LEMD1: variants seen among roughly 807,000 people sequenced by gnomAD.
LEMD1 encodes the protein LEM domain containing 1, also known as LEM domain-containing protein 1.
In LEMD1, 18 loss-of-function variants were observed where a neutral mutation model predicts 17.4. The observed-to-expected ratio is 1.04, with a 90% CI of 0.72 to 1.54. LEMD1 has a LOEUF of 1.54. Among genes scored for constraint, LEMD1 ranks in the 40% most tolerant of loss-of-function variants. The pLI is 0.00. For synonymous variants in LEMD1, 88 were observed against 77.8 expected, an observed-to-expected ratio of 1.13 and a Z score of -0.69; for missense variants, 195 against 210.4, an observed-to-expected ratio of 0.93 and a Z score of 0.45.
At chr1:205,413,587 CTTTTTTTTT>C (rs781477988) in intron 4 of LEMD1, among the ~76,000 whole-genome samples, 9 of 72,478 alleles carry the variant, frequency 1.2e-4, no homozygotes, top group African/African-American at 5.3e-4. Flanking sequence ...CCATGCCCAA[CTTTTTTTTT>C]TTTTTTTTTT....
intron 4 of LEMD1, among the ~76,000 whole-genome samples, chr1:205,398,145 C>T (rs907945142): frequency 6.6e-6 from 1 of 152,160 alleles, no homozygotes; most frequent in African/African-American, 2.4e-5. Flanking sequence ...CCTTAGCACA[C>T]GTCAAAGGTA....
At chr1:205,428,948 G>A (rs1036250135) in intron 1 of LEMD1, among the ~76,000 whole-genome samples, 3 of 152,192 alleles carry the variant, frequency 2.0e-5, no homozygotes, top group African/African-American at 4.8e-5. Context: ...CTCTGAGACA[G>A]GGAAGAGAGG....
At chr1:205,384,425 T>A (rs2102333350) in intron 4 of LEMD1, 61 bp from the exon 5 acceptor site, 1 of 1,095,490 alleles carries the variant, frequency 9.1e-7, no homozygotes, top group Non-Finnish European at 1.2e-6. Flanking sequence ...ACAAATAACC[T>A]TGGTTTTTAT....
At chr1:205,439,798 G>A (rs770555014) in intron 1 of LEMD1, among the ~76,000 whole-genome samples, 9 of 152,104 alleles carry the variant, frequency 5.9e-5, no homozygotes, top group South Asian at 2.1e-4. Context: ...TTCTAGCCCC[G>A]GAGAACTCCA....
At chr1:205,401,770 C>T (rs1051491120) in intron 4 of LEMD1, among the ~76,000 whole-genome samples, 1 of 152,068 alleles carries the variant, frequency 6.6e-6, no homozygotes, top group African/African-American at 2.4e-5. Context: ...GACATGAAGT[C>T]CTTGCCCATG....
intron 4 of LEMD1, among the ~76,000 whole-genome samples, chr1:205,413,485 C>T (rs1665546554): frequency 6.6e-6 from 1 of 150,764 alleles, no homozygotes; most frequent in Admixed American, 6.6e-5. Flanking sequence ...GATGAGGTGT[C>T]ACCATCTTTC....
chr1:205,426,349 G>T (rs1452899517), upstream of LEMD1, among the ~76,000 whole-genome samples: 1 of 152,202 alleles, frequency 6.6e-6, no homozygotes, highest in African/African-American at 2.4e-5. Flanking sequence ...TCTTCAAACG[G>T]ATTACATTCT....
intron 1 of LEMD1, among the ~76,000 whole-genome samples, chr1:205,438,289 C>T (rs1666238827): frequency 6.6e-6 from 1 of 152,218 alleles, no homozygotes; most frequent in Non-Finnish European, 1.5e-5. Context: ...AATCATCTAC[C>T]CATGTGCCCC....
chr1:205,389,611 C>A (rs375125570), intron 4 of LEMD1, among the ~76,000 whole-genome samples: 1 of 152,096 alleles, frequency 6.6e-6, no homozygotes, highest in Non-Finnish European at 1.5e-5. Context: ...CAGGGATGTC[C>A]CTGAAGCTTA....
chr1:205,421,649 A>G (rs1438900459), intron 1 of LEMD1, among the ~76,000 whole-genome samples: 1 of 152,224 alleles, frequency 6.6e-6, no homozygotes, highest in African/African-American at 2.4e-5. Context: ...TACACATAGT[A>G]GGTACCTAGT....
chr1:205,442,296 G>A (rs1022326510), intron 1 of LEMD1, among the ~76,000 whole-genome samples: 1 of 152,138 alleles, frequency 6.6e-6, no homozygotes, highest in African/African-American at 2.4e-5. Context: ...AGCATGAGGC[G>A]CCTCCCTTCT....
At chr1:205,418,475 G>A (rs1665800492) in intron 3 of LEMD1, among the ~76,000 whole-genome samples, 1 of 152,174 alleles carries the variant, frequency 6.6e-6, no homozygotes, top group South Asian at 2.1e-4. Context: ...ATATAAATCA[G>A]GAGGGCAGTC....
At chr1:205,439,671 G>C (rs539004423) in intron 1 of LEMD1, among the ~76,000 whole-genome samples, 1 of 152,146 alleles carries the variant, frequency 6.6e-6, no homozygotes, top group East Asian at 1.9e-4. Flanking sequence ...TTCTGTCCCT[G>C]GGGAGCTAGA....
At chr1:205,404,220 G>T (rs1271795215) in intron 4 of LEMD1, among the ~76,000 whole-genome samples, 1 of 152,142 alleles carries the variant, frequency 6.6e-6, no homozygotes. Context: ...TATTAGGTCT[G>T]CTTGGTGCAG....
intron 3 of LEMD1, among the ~76,000 whole-genome samples, chr1:205,418,991 ACGTTGAGCAGTCATT>A (rs1364484292): frequency 1.3e-5 from 2 of 152,246 alleles, no homozygotes; most frequent in Non-Finnish European, 2.9e-5. Context: ...AAGGACATGC[ACGTTGAGCAGTCATT>A]CCCCCAACTT....
chr1:205,417,717 C>T (rs1014957247), intron 3 of LEMD1, among the ~76,000 whole-genome samples: 9 of 151,888 alleles, frequency 5.9e-5, no homozygotes, highest in Non-Finnish European at 7.4e-5. Flanking sequence ...GTATCTGTGC[C>T]GCCTCCAATG....
At chr1:205,402,983 G>C (rs1664920883) in intron 4 of LEMD1, among the ~76,000 whole-genome samples, 1 of 151,668 alleles carries the variant, frequency 6.6e-6, no homozygotes, top group Non-Finnish European at 1.5e-5. Flanking sequence ...CTTTGGTTCT[G>C]TTTATATGCT....
intron 1 of LEMD1, among the ~76,000 whole-genome samples, chr1:205,449,400 G>A (rs1286372691): frequency 1.3e-5 from 2 of 152,002 alleles, no homozygotes; most frequent in African/African-American, 4.8e-5. Flanking sequence ...GGGCCCCCAA[G>A]AAGATGGTAA....
intron 1 of LEMD1, among the ~76,000 whole-genome samples, chr1:205,421,692 G>A (rs766013633): frequency 6.6e-6 from 1 of 152,130 alleles, no homozygotes; most frequent in Non-Finnish European, 1.5e-5. Context: ...TATGTGTTTG[G>A]GAAACTGACT....
Sources: gnomAD v4.1 joint callset for allele counts (sites outside exome capture counted in the v4.1 genomes callset) on GRCh38, gnomAD v4.1.1 for gene constraint, MANE v1.5 for transcripts, NCBI Gene and HGNC (gene_info 2026-07-23, HGNC 2026-07-21) for gene names.